The following MIB1 variants were observed in gnomAD, a reference collection of about 807,000 sequenced individuals.
MIB1 encodes the protein MIB E3 ubiquitin protein ligase 1, also known as E3 ubiquitin-protein ligase MIB1.
A neutral mutation model predicts 124.5 loss-of-function variants in MIB1; 278 were observed. The ratio of observed to expected loss-of-function variants is 2.23; its 90% CI spans 2.02 to 2.47. The LOEUF is 2.47. Ranked by LOEUF, MIB1 falls within the 30% of genes most tolerant of loss-of-function variation. The probability of loss-of-function intolerance (pLI) is 0.00; values close to 1 mark genes in which losing one functional copy is unlikely to be tolerated. For missense variants in MIB1, 957 were observed against 1,254.4 expected (o/e 0.76, Z 3.58); for synonymous variants, 446 against 429.4 (o/e 1.04, Z -0.48).
chr18:21,817,640 T>C, intron 11 of MIB1: 1 of 422,034 alleles, frequency 2.4e-6, no homozygotes, highest in Non-Finnish European at 4.7e-6. Context: ...TGTAATATCC[T>C]GGGATATCAT....
At chr18:21,840,376 G>T (rs955088190) in intron 13 of MIB1, among the ~76,000 whole-genome samples, 52 of 151,750 alleles carry the variant, frequency 3.4e-4, no homozygotes. Flanking sequence ...CACAAATAGG[G>T]CTAAACCAAG....
At chr18:21,840,436 C>A (rs981230055) in intron 13 of MIB1, among the ~76,000 whole-genome samples, 72 of 151,862 alleles carry the variant, frequency 4.7e-4, no homozygotes, top group Admixed American at 1.6e-3. Flanking sequence ...AAAACCTTAA[C>A]TTTACTTCAC....
At position 21,803,901 on chromosome 18, in the gene MIB1, A is replaced by G. The variant is rs746898113; in HGVS notation, c.1372-6A>G. The G allele has an allele frequency of 3.1e-6, 5 of 1,602,708 alleles. No individual in the cohort carries two copies. The highest frequency in any genetic ancestry group is 1.3e-5 in the African/African-American group (1 of 74,542). On this transcript the variant is annotated splice_region_variant and splice_polypyrimidine_tract_variant and intron_variant, in intron 9 of 20. Transcript: ENST00000261537. Reference sequence around the variant, plus strand: ...ATTCTTTCATTCTTTTTTTTAAAAAATGTAGGTAAATGGGCAATGTGCTGG... The same window carrying G: ...ATTCTTTCATTCTTTTTTTTAAAAAGTGTAGGTAAATGGGCAATGTGCTGG...
chr18:21,743,477 T>C (rs577970457), intron 1 of MIB1, among the ~76,000 whole-genome samples: 1 of 152,362 alleles, frequency 6.6e-6, no homozygotes, highest in South Asian at 2.1e-4. Flanking sequence ...CTTGTGTATA[T>C]GTGTTGAGTA....
Position 21,768,640 on chromosome 18 carries a change from G to T in MIB1, c.419G>T (p.Arg140Leu), listed in dbSNP as rs772307092. The T allele has an allele frequency of 3.2e-6, 5 of 1,576,110 alleles. No homozygotes were observed. The highest frequency in any genetic ancestry group is 4.3e-6 in the Non-Finnish European group (5 of 1,159,118). Residue 140 changes from arginine to leucine, a missense_variant, in exon 3 of 21, where the codon CGT becomes CTT. Transcript: ENST00000261537. ...PGSERVLLES[R>L]RKSKKITARG... ...ATTTTTAGGGTTCTGTTAGAGTCTCGTAGGAAATCTAAGAAGATTACAGCC... is the reference window on the plus strand; with the variant it reads ...ATTTTTAGGGTTCTGTTAGAGTCTCTTAGGAAATCTAAGAAGATTACAGCC...
intron 11 of MIB1, chr18:21,817,797 G>A: frequency 3.3e-6 from 1 of 303,996 alleles, no homozygotes; most frequent in South Asian, 2.7e-5. Flanking sequence ...TGTGGACAGT[G>A]ACTGGGGAGA....
At chr18:21,818,943 GA>G (rs1273220476) in intron 11 of MIB1, among the ~76,000 whole-genome samples, 1 of 151,000 alleles carries the variant, frequency 6.6e-6, no homozygotes, top group Non-Finnish European at 1.5e-5. Context: ...TCAAAAAAAA[GA>G]AAAAAAAATT....
chr18:21,707,402 G>T (rs2040643710), intron 1 of MIB1, among the ~76,000 whole-genome samples: 1 of 152,194 alleles, frequency 6.6e-6, no homozygotes, highest in South Asian at 2.1e-4. Context: ...GGCCGATAAG[G>T]GAATAAAAGC....
chr18:21,831,613 G>A (rs905641313), intron 12 of MIB1, among the ~76,000 whole-genome samples: 1 of 151,952 alleles, frequency 6.6e-6, no homozygotes, highest in Admixed American at 6.6e-5. Flanking sequence ...TCATCCTGCG[G>A]TCCAAACACT....
intron 1 of MIB1, among the ~76,000 whole-genome samples, chr18:21,729,251 G>GAACCA (rs2040756961): frequency 2.0e-5 from 3 of 152,200 alleles, no homozygotes; most frequent in African/African-American, 7.2e-5. Context: ...CTTGGTTAGT[G>GAACCA]AGGAAGATGG....
chr18:21,749,574 AG>A (rs2040949627), intron 1 of MIB1, among the ~76,000 whole-genome samples: 1 of 149,874 alleles, frequency 6.7e-6, no homozygotes, highest in Non-Finnish European at 1.5e-5. Flanking sequence ...CTTTTAATAG[AG>A]GAATTTAACT....
chr18:21,840,263 T>C (rs1481324611), intron 13 of MIB1, among the ~76,000 whole-genome samples: 1 of 151,958 alleles, frequency 6.6e-6, no homozygotes. Context: ...GAACCACACA[T>C]ATGTATAAAC....
intron 1 of MIB1, among the ~76,000 whole-genome samples, chr18:21,712,620 A>T (rs1468265572): frequency 6.6e-6 from 1 of 152,190 alleles, no homozygotes; most frequent in Non-Finnish European, 1.5e-5. Context: ...ACTGCAAGGA[A>T]ATGAATTCTG....
At chr18:21,760,704 A>T (rs892108913) in intron 1 of MIB1, among the ~76,000 whole-genome samples, 1 of 152,212 alleles carries the variant, frequency 6.6e-6, no homozygotes, top group Non-Finnish European at 1.5e-5. Context: ...GTTGTGGAAA[A>T]TGAACTTAGA....
chr18:21,759,229 G>GTA (rs34993928), intron 1 of MIB1, among the ~76,000 whole-genome samples: 4,924 of 149,588 alleles, frequency 0.033, 116 homozygotes, highest in East Asian at 0.066. Context: ...ATATATATGT[G>GTA]TATATATATA....
chr18:21,831,380 C>T (rs2146492577), intron 12 of MIB1: 1 of 151,488 alleles, frequency 6.6e-6, no homozygotes, highest in Middle Eastern at 3.4e-3. Flanking sequence ...ATGGTCACTA[C>T]GAGGCTAACT....
intron 1 of MIB1, among the ~76,000 whole-genome samples, chr18:21,711,327 G>C (rs2040664711): frequency 6.6e-6 from 1 of 151,772 alleles, no homozygotes; most frequent in South Asian, 2.1e-4. Context: ...TGTCACAAAA[G>C]CTGGAGTGCA....
Position 21,819,490 on chromosome 18 carries a change from T to C in MIB1, c.1678-5T>C. ...GAACTAATGAAAATTTCTTTAAACT[T>C]AAAGGATTCTGAAGGTGATACCCCT... On this transcript the variant is annotated splice_region_variant and splice_polypyrimidine_tract_variant and intron_variant, in intron 11 of 20. Coordinates refer to ENST00000261537, the MANE Select transcript of MIB1 (RefSeq NM_020774.4). The C allele has an allele frequency of 6.3e-7, 1 of 1,581,348 alleles. No individual in the cohort carries two copies. Among genetic ancestry groups the C allele is most frequent in the Non-Finnish European group, 8.6e-7 (1 of 1,158,998 alleles).
chr18:21,794,398 G>A lies in MIB1; in HGVS notation c.1092+2841G>A, dbSNP rs1181646885. Among the ~76,000 whole-genome samples, 3 of 151,316 alleles carry A rather than the reference G, an allele frequency of 2.0e-5. No individual in the cohort carries two copies. The East Asian group carries it at 5.8e-4, about 29-fold the overall frequency. On this transcript the variant is annotated intron_variant, in intron 7 of 20. Coordinates refer to ENST00000261537, the MANE Select transcript of MIB1 (RefSeq NM_020774.4). ...AAAAGCAGGAAAATTTTAAAAATAG[G>A]AAAGGTGAAAAGTATTTCAGAGAAA...
Sources: allele counts gnomAD v4.1 joint callset (sites outside exome capture counted in the v4.1 genomes callset), GRCh38; gene constraint gnomAD v4.1.1; transcripts MANE v1.5; gene names NCBI Gene and HGNC (gene_info 2026-07-23, HGNC 2026-07-21).